Variants in BNIP2 observed in about 807,000 individuals in gnomAD.
The protein encoded by BNIP2 is BCL2/adenovirus E1B 19 kDa protein-interacting protein 2.
A neutral mutation model predicts 43.4 loss-of-function variants in BNIP2; 36 were observed. The ratio of observed to expected loss-of-function variants is 0.83; its 90% CI spans 0.64 to 1.10. BNIP2 has a LOEUF of 1.10. BNIP2 is among the 50% of genes least tolerant of loss of function. The pLI, the probability that BNIP2 is intolerant of heterozygous loss-of-function variation, is 0.00. For missense variants in BNIP2, 417 were observed against 374.1 expected (o/e 1.11, Z -0.95); for synonymous variants, 146 against 121.0 (o/e 1.21, Z -1.35).
intron 2 of BNIP2, among the ~76,000 whole-genome samples, chr15:59,681,130 C>T (rs6151498): frequency 5.1e-4 from 78 of 152,294 alleles, no homozygotes; most frequent in Non-Finnish European, 9.3e-4. Context: ...TTCAATTCTT[C>T]TGAGATCAGC....
At position 59,682,466 on chromosome 15, in the gene BNIP2, T is replaced by C; in HGVS notation, c.-9A>G. On this transcript the variant is annotated 5_prime_UTR_variant, in exon 2 of 10. Transcript: ENST00000607373. ...AGTTCCACACCTTCCATCCTCAGCC[T>C]GGATTCAATGTCAACTACAAACTCT... is the stretch of plus-strand genomic sequence containing the variant. 6.2e-7 allele frequency: 1 copy of C among 1,613,786 alleles called. No individual in the cohort carries two copies. Among genetic ancestry groups the C allele is most frequent in the Non-Finnish European group, 8.5e-7 (1 of 1,179,796 alleles).
chr15:59,688,853 G>C, intron 1 of BNIP2: 1 of 1,515,232 alleles, frequency 6.6e-7, no homozygotes, highest in Non-Finnish European at 8.8e-7. Context: ...GGAGGGGCAA[G>C]GTTCCATCCC....
chr15:59,675,810 GCAA>G (rs1893246747), intron 5 of BNIP2, among the ~76,000 whole-genome samples: 1 of 152,178 alleles, frequency 6.6e-6, no homozygotes, highest in Non-Finnish European at 1.5e-5. Context: ...GTGGATACGT[GCAA>G]CAACATGGAT....
chr15:59,684,994 G>C (rs1413664220), intron 1 of BNIP2, among the ~76,000 whole-genome samples: 1 of 152,108 alleles, frequency 6.6e-6, no homozygotes, highest in Non-Finnish European at 1.5e-5. Flanking sequence ...GGCTTATTTT[G>C]CTTATTAAAC....
intron 1 of BNIP2, among the ~76,000 whole-genome samples, chr15:59,687,757 G>T (rs1344504044): frequency 2.6e-5 from 4 of 152,028 alleles, no homozygotes; most frequent in Admixed American, 2.6e-4. Context: ...AGAATGAACA[G>T]AACTTTTCCA....
intron 4 of BNIP2, chr15:59,678,336 G>C (rs1394650906): frequency 1.7e-6 from 2 of 1,206,972 alleles, no homozygotes; most frequent in South Asian, 2.2e-5. Flanking sequence ...AGTGAAACGT[G>C]TATCCACAAG....
At chr15:59,674,697 G>A (rs867308856) in intron 5 of BNIP2, among the ~76,000 whole-genome samples, 1 of 152,170 alleles carries the variant, frequency 6.6e-6, no homozygotes, top group South Asian at 2.1e-4. Flanking sequence ...TCCGTCCTGT[G>A]TTAGGAGGAT....
chr15:59,678,735 T>C, intron 4 of BNIP2: 1 of 1,286,394 alleles, frequency 7.8e-7, no homozygotes, highest in Non-Finnish European at 1.0e-6. Context: ...AATTTCAGTA[T>C]TATAGTCCTT....
Position 59,689,252 on chromosome 15 carries a change from G to A in BNIP2, c.-175C>T. ...GAGCCCGCTCCCCTCGGTCGGCGGTGGAGACCCCGGCCCAATCCCCCGGCC... is the reference window on the plus strand; with the variant it reads ...GAGCCCGCTCCCCTCGGTCGGCGGTAGAGACCCCGGCCCAATCCCCCGGCC... On this transcript the variant is annotated 5_prime_UTR_variant, in exon 1 of 10. Transcript: ENST00000607373. The A allele has an allele frequency of 1.9e-6, 3 of 1,543,786 alleles. No homozygotes were observed. The highest frequency in any genetic ancestry group is 2.6e-6 in the Non-Finnish European group (3 of 1,146,268).
At chr15:59,678,139 A>G in intron 4 of BNIP2, 52 bp from the exon 5 acceptor site, 2 of 1,540,264 alleles carry the variant, frequency 1.3e-6, no homozygotes, top group Non-Finnish European at 1.7e-6. Context: ...ACAAAAATCA[A>G]ATTATACGTT....
chr15:59,683,749 G>A (rs1893844021), intron 1 of BNIP2, among the ~76,000 whole-genome samples: 1 of 152,198 alleles, frequency 6.6e-6, no homozygotes, highest in African/African-American at 2.4e-5. Context: ...AACCTGGGAG[G>A]TGGAGGTTGC....
intron 3 of BNIP2, 59 bp from the exon 4 acceptor site, chr15:59,679,827 G>A: frequency 9.0e-6 from 12 of 1,340,088 alleles, no homozygotes; most frequent in South Asian, 5.8e-5. Context: ...TGCTAAAGTT[G>A]AATAAGAAAA....
At chr15:59,685,328 C>T (rs990687747) in intron 1 of BNIP2, among the ~76,000 whole-genome samples, 6 of 151,996 alleles carry the variant, frequency 3.9e-5, no homozygotes, top group African/African-American at 1.5e-4. Flanking sequence ...GGTGATACCC[C>T]GTTTCCACAA....
At chr15:59,684,172 T>C (rs1264554883) in intron 1 of BNIP2, among the ~76,000 whole-genome samples, 1 of 151,942 alleles carries the variant, frequency 6.6e-6, no homozygotes, top group African/African-American at 2.4e-5. Flanking sequence ...CAGTTTGAAT[T>C]TTTACTTACC....
At chr15:59,667,589 T>C (rs778751365) in intron 9 of BNIP2, among the ~76,000 whole-genome samples, 12 of 152,226 alleles carry the variant, frequency 7.9e-5, no homozygotes, top group African/African-American at 2.7e-4. Context: ...TTTTATCACA[T>C]GTAGAATTTG....
At chr15:59,682,580 T>A in intron 1 of BNIP2, 66 bp from the exon 2 acceptor site, 1 of 1,182,608 alleles carries the variant, frequency 8.5e-7, no homozygotes, top group Non-Finnish European at 1.2e-6. Context: ...AAAGGCGTAA[T>A]AATCTTATAT....
chr15:59,689,113 A>C (rs1894216437), intron 1 of BNIP2, 22 bp downstream of exon 1: 3 of 1,530,516 alleles, frequency 2.0e-6, no homozygotes, highest in Non-Finnish European at 2.6e-6. Context: ...CACCGTGCCG[A>C]GTTCTCCCAG....
At position 59,678,782 on chromosome 15, in the gene BNIP2, T is replaced by A. The variant is rs1399006061; in HGVS notation, c.296-695A>T. ...GGGGGAGGGGGAAACCTACTGCATG[T>A]TAGTTGTTTCCAAGACAAAGCTGTT... On this transcript the variant is annotated intron_variant, in intron 4 of 9. Transcript: ENST00000607373. 4 of 1,302,888 alleles carry A rather than the reference T, an allele frequency of 3.1e-6. No homozygotes were observed. The South Asian group carries it at 4.9e-5, about 16-fold the overall frequency. 80.7% of individuals were successfully genotyped at this position (1,302,888 alleles called of 1,614,324 possible).
chr15:59,677,701 C>T (rs1893394360), intron 5 of BNIP2: 2 of 1,152,582 alleles, frequency 1.7e-6, no homozygotes, highest in Non-Finnish European at 1.1e-6. Context: ...CTATATTTTC[C>T]ATTAGTGCCC....
Sources: gnomAD v4.1 joint callset for allele counts (sites outside exome capture counted in the v4.1 genomes callset) on GRCh38, gnomAD v4.1.1 for gene constraint, MANE v1.5 for transcripts, NCBI Gene and HGNC (gene_info 2026-07-23, HGNC 2026-07-21) for gene names.